Variants in LOXL3 observed in about 807,000 individuals in gnomAD.
The protein encoded by LOXL3 is lysyl oxidase like 3.
LOXL3 carries 60 observed loss-of-function variants against 91.8 expected under a neutral mutation model. The ratio of observed to expected loss-of-function variants is 0.65; its 90% CI spans 0.53 to 0.81. LOXL3 has a LOEUF of 0.81. Among genes scored for constraint, LOXL3 ranks in the 30% least tolerant of loss-of-function variants. LOXL3 has a pLI of 0.00. For missense variants in LOXL3, 874 were observed against 1,000.4 expected (o/e 0.87, Z 1.70); for synonymous variants, 355 against 387.6 (o/e 0.92, Z 0.99).
chr2:74,554,655 G>T, upstream of LOXL3: 3 of 1,230,106 alleles, frequency 2.4e-6, no homozygotes, highest in Non-Finnish European at 3.4e-6. This position sits in a 1 kb window ranked among gnomAD's most constrained non-coding sequence, Gnocchi z 4.9. Flanking sequence ...TGCCGGCGGG[G>T]GCCGGGGAGG....
Position 74,534,775 on chromosome 2 carries a change from C to T in LOXL3, c.1580-1G>A, listed in dbSNP as rs774053050. 6.2e-7 allele frequency: 1 copy of T among 1,609,570 alleles called. No homozygotes were observed. The highest frequency in any genetic ancestry group is 1.7e-5 in the Admixed American group (1 of 59,976). On this transcript the variant is annotated splice_acceptor_variant, in intron 9 of 13. Transcript: ENST00000264094. LOFTEE classifies it high-confidence loss of function. Reference sequence around the variant, plus strand: ...GAGTGCAGCAACAGATCTGATGCAGCTGCACCAAGAAAGGAAGGGGGTGTT... The same window carrying T: ...GAGTGCAGCAACAGATCTGATGCAGTTGCACCAAGAAAGGAAGGGGGTGTT...
chr2:74,542,313 A>T (rs1385885650), intron 4 of LOXL3, among the ~76,000 whole-genome samples: 1 of 152,106 alleles, frequency 6.6e-6, no homozygotes, highest in Non-Finnish European at 1.5e-5. Flanking sequence ...AATCAAACAA[A>T]CAAACAAACA....
At position 74,535,883 on chromosome 2, in the gene LOXL3, T is replaced by C. The variant is rs1675990057; in HGVS notation, c.1248+113A>G. On this transcript the variant is annotated intron_variant, in intron 7 of 13. Transcript: ENST00000264094. The surrounding 1 kb of genome is among the most constrained non-coding windows in gnomAD (Gnocchi z 4.2). ...AGCAAGTGATGGGTCAGGTGGGAGC[T>C]GCAGGAGGGCAGGGGCCTGGGGCAA... 6.8e-7 allele frequency: 1 copy of C among 1,476,198 alleles called. No individual in the cohort carries two copies. The highest frequency in any genetic ancestry group is 9.0e-7 in the Non-Finnish European group (1 of 1,107,418). The allele number at this position is 1,476,198 out of a possible 1,614,324, so 91.4% of individuals were successfully genotyped here. A position where few individuals can be genotyped will look rare whatever the true frequency, so the allele number is the denominator to read the frequency against.
In LOXL3 at chr2:74,535,928, C is replaced by T. The variant is rs994404668; in HGVS notation, c.1248+68G>A. The T allele has an allele frequency of 9.9e-5, 149 of 1,510,234 alleles. No homozygotes were observed. Among genetic ancestry groups the T allele is most frequent in the Non-Finnish European group, 1.3e-4 (144 of 1,134,874 alleles). The allele number at this position is 1,510,234 out of a possible 1,614,324, so 93.6% of individuals were successfully genotyped here. On this transcript the variant is annotated intron_variant, in intron 7 of 13. Transcript: ENST00000264094. The surrounding 1 kb of genome is among the most constrained non-coding windows in gnomAD (Gnocchi z 4.2). ...GGGCAATGGGCTGGGGGCCATTGGA[C>T]TGTAGATTGGAGACCAGACCTGGAT...
rs149547237 is a variant in LOXL3 at position 74,542,498 on chromosome 2, C to T, written c.693-5570G>A. ...TTTTTCTCAACTGAATCCTTTTAAA[C>T]ATTCAAATCACTCCTACACATGCAC... On this transcript the variant is annotated intron_variant, in intron 4 of 13. Coordinates refer to ENST00000264094, the MANE Select transcript of LOXL3 (RefSeq NM_032603.5). 3.6e-3 allele frequency among the ~76,000 whole-genome samples: 554 copies of T among 152,008 alleles called. 1 individual carries two copies. The highest frequency in any genetic ancestry group is 6.1e-3 in the Non-Finnish European group (413 of 67,950).
chr2:74,543,540 A>C (rs768372498), intron 4 of LOXL3, among the ~76,000 whole-genome samples: 2 of 152,142 alleles, frequency 1.3e-5, no homozygotes, highest in Non-Finnish European at 2.9e-5. Context: ...ACTTCTAAAT[A>C]TCTCTCCAAT....
intron 2 of LOXL3, among the ~76,000 whole-genome samples, chr2:74,550,591 C>A (rs954043776): frequency 2.6e-5 from 4 of 152,138 alleles, no homozygotes; most frequent in African/African-American, 7.2e-5. Context: ...GAATAAAAAA[C>A]CAAGAATCAA....
In LOXL3 at chr2:74,532,372, T is replaced by G. The variant is rs1227422984; in HGVS notation, c.*1234A>C. The G allele has an allele frequency of 5.6e-6, 3 of 531,122 alleles. No individual in the cohort carries two copies. The highest frequency in any genetic ancestry group is 1.0e-5 in the Non-Finnish European group (3 of 291,468). The allele number at this position is 531,122 out of a possible 1,614,324, so 32.9% of individuals were successfully genotyped here. On this transcript the variant is annotated 3_prime_UTR_variant, in exon 14 of 14. Transcript: ENST00000264094. ...CCCCTTAAAGCTTCTCTTAGTATTC[T>G]AGAATGACATTAGTGCTATTGATTT...
rs1206197625 is a variant in LOXL3 at position 74,549,020 on chromosome 2, G to C, written c.692+349C>G. The C allele has an allele frequency of 6.0e-6, 1 of 167,886 alleles. No homozygotes were observed. Among genetic ancestry groups the C allele is most frequent in the Admixed American group, 6.4e-5 (1 of 15,626 alleles). The allele number at this position is 167,886 out of a possible 1,614,324, so 10.4% of individuals were successfully genotyped here. On this transcript the variant is annotated intron_variant, in intron 4 of 13. Coordinates refer to ENST00000264094, the MANE Select transcript of LOXL3 (RefSeq NM_032603.5). This position sits in a 1 kb window ranked among gnomAD's most constrained non-coding sequence, Gnocchi z 5.3. ...GGGCGGCCGCGTCCTTACTGAACTCGGAAATCGCTGGCCGGCAGCGCCAGC... is the reference window on the plus strand; with the variant it reads ...GGGCGGCCGCGTCCTTACTGAACTCCGAAATCGCTGGCCGGCAGCGCCAGC...
rs1397835263 is a variant in LOXL3 at position 74,536,375 on chromosome 2, C to T, written c.1009G>A (p.Asp337Asn). 3.1e-6 allele frequency: 5 copies of T among 1,614,086 alleles called. No individual in the cohort carries two copies. The highest frequency in any genetic ancestry group is 2.2e-5 in the East Asian group (1 of 44,900). Residue 337 changes from aspartate to asparagine, a missense_variant, in exon 6 of 14, where the codon GAC (aspartate) becomes AAC (asparagine). Transcript: ENST00000264094. This position sits in a 1 kb window ranked among gnomAD's most constrained non-coding sequence, Gnocchi z 4.5. The stretch of plus-strand genomic sequence containing the variant: ...CACACCACGCTGGCTGCATGCAGGT[C>T]CCACTTGCGGTCACAGACTGTGCCC... ...TWGTVCDRKW[D>N]LHAASVVCRE...
At chr2:74,544,445 T>C (rs1416468752) in intron 4 of LOXL3, among the ~76,000 whole-genome samples, 1 of 152,246 alleles carries the variant, frequency 6.6e-6, no homozygotes, top group African/African-American at 2.4e-5. Context: ...TGTCATTTAT[T>C]CACCTTTGTA....
Position 74,549,523 on chromosome 2 carries a change from G to C in LOXL3, c.538C>G (p.Arg180Gly). ...RIRPAVGWGR[R>G]PLPVTEGLVE... ...AGCCCCTCCGTCACGGGCAGGGGTCGTCTGCCCCACCCAACGGCGGGTCGA... is the reference window on the plus strand; with the variant it reads ...AGCCCCTCCGTCACGGGCAGGGGTCCTCTGCCCCACCCAACGGCGGGTCGA... Residue 180 changes from arginine (R) to glycine (G), a missense_variant, in exon 4 of 14, where the codon CGA becomes GGA. Arg to Gly is a moderately radical substitution (Grantham distance 125). Coordinates refer to ENST00000264094, the MANE Select transcript of LOXL3 (RefSeq NM_032603.5). The surrounding 1 kb of genome is among the most constrained non-coding windows in gnomAD (Gnocchi z 5.3). 1 of 1,613,322 alleles carries C rather than the reference G, an allele frequency of 6.2e-7. No individual in the cohort carries two copies. The highest frequency in any genetic ancestry group is 8.5e-7 in the Non-Finnish European group (1 of 1,179,550).
intron 4 of LOXL3, among the ~76,000 whole-genome samples, chr2:74,545,902 C>G (rs1348877918): frequency 1.3e-5 from 2 of 152,162 alleles, no homozygotes; most frequent in Admixed American, 6.5e-5. Context: ...AATTACCTAA[C>G]TTAGCCTCGC....
At position 74,535,271 on chromosome 2, in the gene LOXL3, A is replaced by C. The variant is rs1675943236; in HGVS notation, c.1579+21T>G. The C allele has an allele frequency of 6.3e-7, 1 of 1,599,770 alleles. No homozygotes were observed. The highest frequency in any genetic ancestry group is 1.3e-5 in the African/African-American group (1 of 74,480). On this transcript the variant is annotated intron_variant, in intron 9 of 13. Coordinates refer to ENST00000264094, the MANE Select transcript of LOXL3 (RefSeq NM_032603.5). This position sits in a 1 kb window ranked among gnomAD's most constrained non-coding sequence, Gnocchi z 4.2. ...CCAGACACTCCCTTCCCTGGCATGC[A>C]TCACCCCCTCCTTCACTCACTCTCA...
Position 74,534,630 on chromosome 2 carries a change from C to A in LOXL3, c.1724G>T (p.Arg575Leu). The change falls in exon 10 of 14, where the codon CGG becomes CTG. Residue 575 changes from arginine (R) to leucine (L), a missense_variant. Coordinates refer to ENST00000264094, the MANE Select transcript of LOXL3 (RefSeq NM_032603.5). ...ARSANWPYGH[R>L]RLLRFSSQIH... ...CTGGGAGGAGAATCGGAGCAGACGCCGGTGACCATAGGGCCAGTTGGCTGA... is the reference window on the plus strand; with the variant it reads ...CTGGGAGGAGAATCGGAGCAGACGCAGGTGACCATAGGGCCAGTTGGCTGA... The A allele has an allele frequency of 6.2e-7, 1 of 1,614,186 alleles. No homozygotes were observed.
intron 3 of LOXL3, 37 bp downstream of exon 3, chr2:74,550,148 T>C: frequency 1.9e-6 from 3 of 1,595,648 alleles, no homozygotes; most frequent in Non-Finnish European, 2.6e-6. Context: ...TCGGCTATCC[T>C]GGGTAGTGTG....
At chr2:74,541,046 C>CA (rs1676298650) in intron 4 of LOXL3, among the ~76,000 whole-genome samples, 1 of 152,206 alleles carries the variant, frequency 6.6e-6, no homozygotes, top group Admixed American at 6.5e-5. Context: ...GCTGGCCTTC[C>CA]ATATCCATGG....
chr2:74,534,846 C>T, intron 9 of LOXL3, 72 bp from the exon 10 acceptor site: 1 of 1,529,586 alleles, frequency 6.5e-7, no homozygotes, highest in Non-Finnish European at 8.9e-7. Flanking sequence ...CCATCCCTCC[C>T]TAGTGTGTAA....
Position 74,532,615 on chromosome 2 carries a change from T to C in LOXL3, c.*991A>G. 1.2e-6 allele frequency: 2 copies of C among 1,613,022 alleles called. No individual in the cohort carries two copies. The highest frequency in any genetic ancestry group is 1.7e-6 in the Non-Finnish European group (2 of 1,179,714). On this transcript the variant is annotated 3_prime_UTR_variant, in exon 14 of 14. Transcript: ENST00000264094. Reference sequence around the variant, plus strand: ...GGCTAATAGGGTGATCTGTGTACTTTCAGCATCCTTGCTGAACTACAGCTT... The same window carrying C: ...GGCTAATAGGGTGATCTGTGTACTTCCAGCATCCTTGCTGAACTACAGCTT...
Sources: allele counts gnomAD v4.1 joint callset (sites outside exome capture counted in the v4.1 genomes callset), GRCh38; gene constraint gnomAD v4.1.1; non-coding constraint Gnocchi (gnomAD v3.1); transcripts MANE v1.5; gene names NCBI Gene and HGNC (gene_info 2026-07-23, HGNC 2026-07-21).